Variants in MAGED1 observed in about 807,000 individuals in gnomAD.
MAGED1 encodes the protein MAGE family member D1.
In MAGED1, 3 loss-of-function variants were observed where a neutral mutation model predicts 54.1. The ratio of observed to expected loss-of-function variants is 0.06; its 90% CI spans 0.03 to 0.14. The LOEUF is 0.14. Among genes scored for constraint, MAGED1 ranks in the 10% least tolerant of loss-of-function variants. The pLI is 1.00. For missense variants in MAGED1, 485 were observed against 623.4 expected (o/e 0.78, Z 2.36); for synonymous variants, 217 against 227.3 (o/e 0.95, Z 0.41).
At chrX:51,897,366 C>T in intron 5 of MAGED1, 95 bp downstream of exon 5, 3 of 879,817 alleles carry the variant, frequency 3.4e-6, no homozygotes, top group East Asian at 6.3e-5. Context: ...CTTCCCTTCA[C>T]TCCATGCTCT....
intron 1 of MAGED1, among the ~76,000 whole-genome samples, chrX:51,836,625 A>G (rs2146967647): frequency 9.5e-6 from 1 of 105,305 alleles, no homozygotes; most frequent in East Asian, 3.0e-4. Flanking sequence ...GCTGGAGTGC[A>G]GTGGCACGAT....
intron 1 of MAGED1, among the ~76,000 whole-genome samples, chrX:51,855,622 T>A (rs918552145): frequency 6.3e-5 from 7 of 110,966 alleles, no homozygotes; most frequent in African/African-American, 2.3e-4. Context: ...TTTTATTTTA[T>A]TTTTGCAATT....
At chrX:51,841,988 A>G (rs1477057027) in intron 1 of MAGED1, among the ~76,000 whole-genome samples, 1 of 111,952 alleles carries the variant, frequency 8.9e-6, no homozygotes, top group African/African-American at 3.2e-5. Context: ...CAAGATTCCA[A>G]AGACTTTAGA....
chrX:51,845,466 G>A (rs782018604), intron 1 of MAGED1, among the ~76,000 whole-genome samples: 35 of 111,026 alleles, frequency 3.2e-4, no homozygotes, highest in African/African-American at 1.1e-3. Context: ...TTTCTCTTTC[G>A]TTTTTCTCCC....
At chrX:51,866,768 C>G (rs1557361121) in intron 1 of MAGED1, among the ~76,000 whole-genome samples, 1 of 111,516 alleles carries the variant, frequency 9.0e-6, no homozygotes, top group Non-Finnish European at 1.9e-5. Flanking sequence ...TCTACCCATT[C>G]AGAATTTGAA....
At position 51,824,768 on chromosome X, in the gene MAGED1, G is replaced by A. The variant is rs370226502; in HGVS notation, c.-37+21651G>A. ...TATATATACACATACATATATACAC[G>A]TATGTATATATACACATATATATAC... On this transcript the variant is annotated intron_variant, in intron 1 of 12. Coordinates refer to the MAGED1 transcript ENST00000375772. Among the ~76,000 whole-genome samples the A allele has an allele frequency of 4.6e-4, 40 of 87,225 alleles. No homozygotes were observed. In the South Asian group the frequency reaches 0.013, roughly 29 times the overall value. The allele number at this position is 87,225 out of a possible 115,157, so 75.7% of individuals were successfully genotyped here. A position where few individuals can be genotyped will look rare whatever the true frequency, so the allele number is the denominator to read the frequency against.
At chrX:51,828,902 A>G (rs911052698) in intron 1 of MAGED1, among the ~76,000 whole-genome samples, 4 of 111,857 alleles carry the variant, frequency 3.6e-5, no homozygotes, top group African/African-American at 1.3e-4. Flanking sequence ...ACATTAAAAA[A>G]AAAACTCTTC....
intron 1 of MAGED1, among the ~76,000 whole-genome samples, chrX:51,829,047 G>A (rs1436263496): frequency 9.0e-6 from 1 of 111,568 alleles, no homozygotes; most frequent in African/African-American, 3.3e-5. Flanking sequence ...TGTAGAAAGA[G>A]AAGGAAGGAG....
intron 1 of MAGED1, among the ~76,000 whole-genome samples, chrX:51,874,908 A>C (rs1475136843): frequency 1.8e-5 from 2 of 109,980 alleles, no homozygotes; most frequent in Admixed American, 9.8e-5. Flanking sequence ...TTGGTGCTAG[A>C]TATTTTTATA....
At chrX:51,846,693 T>C (rs1926697749) in intron 1 of MAGED1, among the ~76,000 whole-genome samples, 1 of 111,157 alleles carries the variant, frequency 9.0e-6, no homozygotes. Context: ...AGAAGGCATG[T>C]CTTACGTGGC....
chrX:51,863,017 A>T (rs1557360806), intron 1 of MAGED1, among the ~76,000 whole-genome samples: 1 of 111,699 alleles, frequency 9.0e-6, no homozygotes, highest in African/African-American at 3.3e-5. Context: ...TCAAGTATGT[A>T]ATACATTATT....
At chrX:51,897,412 C>A in intron 5 of MAGED1, 135 bp from the exon 6 acceptor site, 1 of 744,872 alleles carries the variant, frequency 1.3e-6, no homozygotes. Flanking sequence ...CCTTCCCCTT[C>A]TATCCCCTCC....
chrX:51,816,928 GTTA>G (rs1454592571), intron 1 of MAGED1, among the ~76,000 whole-genome samples: 1 of 111,600 alleles, frequency 9.0e-6, no homozygotes, highest in Non-Finnish European at 1.9e-5. Flanking sequence ...GCTCAAATTG[GTTA>G]TTATGTCAGG....
chrX:51,848,475 C>A (rs899137984), intron 1 of MAGED1, among the ~76,000 whole-genome samples: 2 of 111,524 alleles, frequency 1.8e-5, no homozygotes, highest in Non-Finnish European at 3.8e-5. Flanking sequence ...GCCAGGGAAG[C>A]ATACCTGAAC....
At chrX:51,894,905 C>G in intron 2 of MAGED1, 148 bp from the exon 3 acceptor site, 1 of 931,543 alleles carries the variant, frequency 1.1e-6, no homozygotes, top group Non-Finnish European at 1.5e-6. Context: ...CTCGCGGGCC[C>G]CCTAGATCTC....
chrX:51,889,428 C>T (rs1321553094), upstream of MAGED1, among the ~76,000 whole-genome samples: 1 of 108,324 alleles, frequency 9.2e-6, no homozygotes, highest in Non-Finnish European at 1.9e-5. Flanking sequence ...AGGAGTTCTA[C>T]ACCAGCCTGG....
At chrX:51,804,229 CAG>C (rs1466731865) in intron 1 of MAGED1, among the ~76,000 whole-genome samples, 1 of 111,818 alleles carries the variant, frequency 8.9e-6, no homozygotes, top group African/African-American at 3.2e-5. Context: ...TGCTGAGAAT[CAG>C]AGTTTTCCAG....
intron 1 of MAGED1, among the ~76,000 whole-genome samples, chrX:51,853,643 C>T (rs1483236656): frequency 8.9e-6 from 1 of 112,458 alleles, no homozygotes; most frequent in African/African-American, 3.2e-5. Flanking sequence ...CTATTTACCT[C>T]TAGGTTCCCC....
Position 51,897,095 on chromosome X carries a change from C to G in MAGED1, c.1422+18C>G, listed in dbSNP as rs1557364410. 3 of 1,205,516 alleles carry G rather than the reference C, an allele frequency of 2.5e-6. No individual in the cohort carries two copies. The highest frequency in any genetic ancestry group is 3.6e-5 in the South Asian group (2 of 55,966). On this transcript the variant is annotated intron_variant, in intron 4 of 12. Transcript: ENST00000326587. ...AGGAAAGAGTAAGAGCTGTAACTCC[C>G]CAGTCACTTTTCCCCTCTCTTGCTC...
Sources: gnomAD v4.1 joint callset for allele counts (sites outside exome capture counted in the v4.1 genomes callset) on GRCh38, gnomAD v4.1.1 for gene constraint, MANE v1.5 for transcripts, NCBI Gene and HGNC (gene_info 2026-07-23, HGNC 2026-07-21) for gene names.